Variants in FANK1 observed in about 807,000 individuals in gnomAD.
FANK1 encodes the protein fibronectin type 3 and ankyrin repeat domains protein 1.
Under a neutral mutation model 45.3 loss-of-function variants are expected in FANK1, and 44 were observed. The observed-to-expected ratio is 0.97, with a 90% CI of 0.76 to 1.25. FANK1 has a LOEUF of 1.25. Ranked by LOEUF, FANK1 falls within the 50% of genes most tolerant of loss-of-function variation. The pLI, the probability that FANK1 is intolerant of heterozygous loss-of-function variation, is 0.00. For missense variants in FANK1, 391 were observed against 424.4 expected (o/e 0.92, Z 0.69); for synonymous variants, 149 against 152.5 (o/e 0.98, Z 0.17).
At chr10:125,953,919 C>T (rs1197141787) in intron 1 of FANK1, among the ~76,000 whole-genome samples, 1 of 152,138 alleles carries the variant, frequency 6.6e-6, no homozygotes, top group Non-Finnish European at 1.5e-5. Context: ...CTCAGAGTCG[C>T]AAAGAAAATG....
intron 1 of FANK1, chr10:125,979,913 G>C: frequency 1.6e-6 from 1 of 608,896 alleles, no homozygotes; most frequent in Non-Finnish European, 3.1e-6. Context: ...AGGGTCAGTG[G>C]GGGTGGTATG....
In FANK1 at chr10:125,911,141, A is replaced by G. The variant is rs1945969020; in HGVS notation, c.13+14486A>G. On this transcript the variant is annotated intron_variant, in intron 1 of 10. Transcript: ENST00000368693. ...GTAAGGATTGTGAGATGGGCAGAGG[A>G]GCGTGTATCATCCAGGTGGGCACGA... Among the ~76,000 whole-genome samples the G allele has an allele frequency of 9.9e-5, 15 of 152,210 alleles. No homozygotes were observed. In the South Asian group the frequency reaches 3.1e-3, roughly 32 times the overall value.
chr10:125,930,382 G>T (rs867546100), intron 1 of FANK1, among the ~76,000 whole-genome samples: 5 of 151,930 alleles, frequency 3.3e-5, no homozygotes, highest in Non-Finnish European at 5.9e-5. Context: ...TGTCACCCCA[G>T]CTGGAGTGCA....
chr10:125,959,241 C>CCA (rs148186199), intron 1 of FANK1, among the ~76,000 whole-genome samples: 55,256 of 149,716 alleles, frequency 0.37, 10,611 homozygotes, highest in Non-Finnish European at 0.44. Flanking sequence ...TACTAAAAAT[C>CCA]CACACACACA....
chr10:125,971,600 G>T lies in FANK1; in HGVS notation c.14-8561G>T, dbSNP rs552644245. Among the ~76,000 whole-genome samples, 556 of 152,148 alleles carry T rather than the reference G, an allele frequency of 3.7e-3. 2 individuals are homozygous for T. The highest frequency in any genetic ancestry group is 0.013 in the African/African-American group (546 of 41,522). On this transcript the variant is annotated intron_variant, in intron 1 of 10. Transcript: ENST00000368693. The stretch of plus-strand genomic sequence containing the variant: ...AATAATTTAAGGAAATCTGGAGAAC[G>T]AACTAATAGTAGATTTTTCACCCTG...
intron 8 of FANK1, among the ~76,000 whole-genome samples, chr10:126,008,769 C>T (rs930942522): frequency 1.3e-5 from 2 of 152,132 alleles, no homozygotes; most frequent in Admixed American, 6.5e-5. Context: ...AACCCCTGTC[C>T]CCAGGACCAC....
At chr10:125,947,045 T>G (rs1334085769) in intron 1 of FANK1, among the ~76,000 whole-genome samples, 1 of 140,762 alleles carries the variant, frequency 7.1e-6, no homozygotes, top group Non-Finnish European at 1.5e-5. Context: ...ATAAAATACT[T>G]TACAGACAAG....
At chr10:126,006,535 T>C (rs564698832) in intron 7 of FANK1, among the ~76,000 whole-genome samples, 3 of 152,188 alleles carry the variant, frequency 2.0e-5, no homozygotes, top group African/African-American at 7.2e-5. Flanking sequence ...AGTCTGTGGT[T>C]GAAAAAGAAG....
chr10:125,912,151 G>A (rs1422362859), intron 1 of FANK1, among the ~76,000 whole-genome samples: 1 of 152,162 alleles, frequency 6.6e-6, no homozygotes, highest in African/African-American at 2.4e-5. Context: ...CACGTGTGTG[G>A]CCCTGGCACC....
chr10:125,978,726 T>TC (rs1225131458), intron 1 of FANK1, among the ~76,000 whole-genome samples: 2 of 152,088 alleles, frequency 1.3e-5, no homozygotes, highest in South Asian at 4.1e-4. Flanking sequence ...GGCCTGCCCC[T>TC]CCCCCTGGGA....
chr10:125,924,016 A>G (rs1180887726), intron 1 of FANK1, among the ~76,000 whole-genome samples: 2 of 152,094 alleles, frequency 1.3e-5, no homozygotes, highest in Non-Finnish European at 2.9e-5. Flanking sequence ...TTTGAGAGGC[A>G]AAGGTGGGAG....
chr10:125,988,787 C>A, intron 3 of FANK1, 112 bp downstream of exon 3: 2 of 1,529,080 alleles, frequency 1.3e-6, no homozygotes, highest in Non-Finnish European at 1.8e-6. Context: ...AGAAATGATA[C>A]AATTTTTAAA....
intron 1 of FANK1, among the ~76,000 whole-genome samples, chr10:125,971,392 GC>G (rs1352873163): frequency 6.6e-6 from 1 of 151,814 alleles, no homozygotes; most frequent in Non-Finnish European, 1.5e-5. Flanking sequence ...AAGGTCAGCA[GC>G]CTCCCTGACC....
chr10:125,965,342 T>C (rs1481651919), intron 1 of FANK1, among the ~76,000 whole-genome samples: 2 of 152,242 alleles, frequency 1.3e-5, no homozygotes, highest in South Asian at 2.1e-4. Flanking sequence ...TTGAACACTT[T>C]GCTATTGTGA....
intron 1 of FANK1, among the ~76,000 whole-genome samples, chr10:125,971,782 C>T (rs11244738): frequency 0.26 from 39,328 of 151,798 alleles, 5,943 homozygotes; most frequent in South Asian, 0.37. Flanking sequence ...CTACCACGGC[C>T]GGCTAATTTT....
At chr10:125,919,332 A>G (rs1946765437) in intron 1 of FANK1, among the ~76,000 whole-genome samples, 1 of 148,354 alleles carries the variant, frequency 6.7e-6, no homozygotes, top group South Asian at 2.1e-4. Context: ...CAGCCTCGCT[A>G]GTAGCTGGGA....
chr10:125,904,457 A>G (rs1212610310), intron 1 of FANK1, among the ~76,000 whole-genome samples: 6 of 150,888 alleles, frequency 4.0e-5, no homozygotes, highest in Non-Finnish European at 7.4e-5. Flanking sequence ...TTTTAATCTT[A>G]GGGACAGGGT....
chr10:125,925,816 A>T, intron 1 of FANK1, among the ~76,000 whole-genome samples: 1 of 150,534 alleles, frequency 6.6e-6, no homozygotes, highest in African/African-American at 2.5e-5. Flanking sequence ...TGGATTACTT[A>T]GTCCATTTGC....
chr10:125,970,351 C>T (rs1468224199), intron 1 of FANK1, among the ~76,000 whole-genome samples: 12 of 151,348 alleles, frequency 7.9e-5, no homozygotes, highest in South Asian at 2.1e-4. Context: ...CCAGATGGGG[C>T]GGCCGGGCAG....
Sources: allele counts gnomAD v4.1 joint callset (sites outside exome capture counted in the v4.1 genomes callset), GRCh38; gene constraint gnomAD v4.1.1; transcripts MANE v1.5; gene names NCBI Gene and HGNC (gene_info 2026-07-23, HGNC 2026-07-21).